The following CNTNAP4 variants were observed in gnomAD, a reference collection of about 807,000 sequenced individuals.
CNTNAP4 encodes contactin associated protein family member 4, also known as contactin-associated protein-like 4.
CNTNAP4 carries 98 observed loss-of-function variants against 148.4 expected under a neutral mutation model. That is an observed-to-expected ratio of 0.66 (90% CI 0.56 to 0.78). The LOEUF is 0.78. Among genes scored for constraint, CNTNAP4 ranks in the 30% least tolerant of loss-of-function variants. The pLI is 0.00. For missense variants in CNTNAP4, 1,935 were observed against 1,565.6 expected, an observed-to-expected ratio of 1.24 and a Z score of -3.98; for synonymous variants, 730 against 565.1, an observed-to-expected ratio of 1.29 and a Z score of -4.14.
chr16:76,409,995 A>G (rs1202842749), intron 3 of CNTNAP4, among the ~76,000 whole-genome samples: 11 of 151,908 alleles, frequency 7.2e-5, no homozygotes, highest in South Asian at 2.1e-4. Flanking sequence ...GGAAGTAAGT[A>G]TTCTTATCTC....
chr16:76,494,552 A>G (rs557757963), intron 13 of CNTNAP4, among the ~76,000 whole-genome samples: 40 of 152,250 alleles, frequency 2.6e-4, no homozygotes, highest in African/African-American at 9.1e-4. Context: ...GTTAATTACT[A>G]TGATTTATAT....
At position 76,461,132 on chromosome 16, in the gene CNTNAP4, C is replaced by G. The variant is rs972755932; in HGVS notation, c.1334-824C>G. Among the ~76,000 whole-genome samples, 5 of 152,200 alleles carry G rather than the reference C, an allele frequency of 3.3e-5. No individual in the cohort carries two copies. The East Asian group carries it at 5.8e-4, about 18-fold the overall frequency. ...AAAGACACATCACAGCCTTCTTGCT[C>G]TTAGGAATGCTAGACAACAGTTCAG... On this transcript the variant is annotated intron_variant, in intron 8 of 23. Transcript: ENST00000611870.
intron 1 of CNTNAP4, among the ~76,000 whole-genome samples, chr16:76,284,982 C>G (rs994858240): frequency 6.6e-6 from 1 of 151,940 alleles, no homozygotes; most frequent in East Asian, 1.9e-4. Flanking sequence ...TTGTTAGGGT[C>G]TTCATAGTTA....
intron 3 of CNTNAP4, among the ~76,000 whole-genome samples, chr16:76,397,176 G>A (rs2078231846): frequency 6.6e-6 from 1 of 151,922 alleles, no homozygotes; most frequent in Non-Finnish European, 1.5e-5. Context: ...TGTCGTAGGT[G>A]ATACCTGAAC....
At chr16:76,487,523 C>A (rs1157684324) in intron 12 of CNTNAP4, among the ~76,000 whole-genome samples, 1 of 152,154 alleles carries the variant, frequency 6.6e-6, no homozygotes, top group Non-Finnish European at 1.5e-5. Context: ...TCTGAAAGAA[C>A]AGTAAAGAGG....
rs1460436182 is a variant in CNTNAP4 at position 76,473,877 on chromosome 16, T to A, written c.1656-2062T>A. Among the ~76,000 whole-genome samples, 21 of 137,036 alleles carry A rather than the reference T, an allele frequency of 1.5e-4. No homozygotes were observed. In the East Asian group the frequency reaches 2.6e-3, roughly 17 times the overall value. 89.9% of individuals were successfully genotyped at this position (137,036 alleles called of 152,430 possible). A position where few individuals can be genotyped will look rare whatever the true frequency, so the allele number is the denominator to read the frequency against. ...TTTTGTTTTGTTTTGTTTTGTTTTT[T>A]AATCTGGGATGAATGAGGGCACTTA... On this transcript the variant is annotated intron_variant, in intron 10 of 23. Transcript: ENST00000611870.
chr16:76,489,690 T>C lies in CNTNAP4; in HGVS notation c.1887T>C (p.Thr629=). Residue 629 remains threonine (T), a synonymous_variant, in exon 13 of 24, where the codon ACT becomes ACC. Transcript: ENST00000611870. ...CCCCCCATTTCTGCATACAAGAAAC[T>C]GCATGGACCATCATACAGCACAACG... ...PFLLYCNMTE[T]AWTIIQHNGS... is the part of the protein sequence containing the mutation. The C allele has an allele frequency of 1.3e-6, 2 of 1,564,230 alleles. No homozygotes were observed. Among genetic ancestry groups the C allele is most frequent in the African/African-American group, 1.4e-5 (1 of 74,006 alleles).
chr16:76,284,523 T>C (rs1199953772), intron 1 of CNTNAP4, among the ~76,000 whole-genome samples: 1 of 151,982 alleles, frequency 6.6e-6, no homozygotes, highest in African/African-American at 2.4e-5. Context: ...AGATTAACAT[T>C]GGAATTGGAA....
intron 3 of CNTNAP4, among the ~76,000 whole-genome samples, chr16:76,373,268 G>A (rs754563144): frequency 6.0e-5 from 9 of 150,068 alleles, no homozygotes; most frequent in Non-Finnish European, 1.3e-4. Context: ...ACATATATAT[G>A]TGAAATATAT....
intron 3 of CNTNAP4, among the ~76,000 whole-genome samples, chr16:76,414,895 T>C (rs992707885): frequency 4.6e-5 from 7 of 151,374 alleles, no homozygotes; most frequent in South Asian, 4.1e-4. Flanking sequence ...TATTTTTTTC[T>C]TTCCCAGATC....
intron 3 of CNTNAP4, among the ~76,000 whole-genome samples, chr16:76,393,271 TG>T (rs2078089913): frequency 1.3e-5 from 2 of 152,202 alleles, no homozygotes; most frequent in Non-Finnish European, 2.9e-5. Context: ...TGTGATGAAT[TG>T]ATTAGTGAAA....
intron 2 of CNTNAP4, among the ~76,000 whole-genome samples, chr16:76,329,303 G>A (rs1313552961): frequency 6.6e-6 from 1 of 152,178 alleles, no homozygotes; most frequent in East Asian, 1.9e-4. Context: ...AAGCCTCAGT[G>A]GAGCTTGCTT....
At position 76,558,654 on chromosome 16, in the gene CNTNAP4, A is replaced by G; in HGVS notation, c.3898A>G (p.Asn1300Asp). ...TGAGCTTAATATACAAAATGCAGTC[A>G]ATGAAAATCAGAAAGAGTACTTCTT... is the stretch of plus-strand genomic sequence containing the variant. ...KSELNIQNAV[N>D]ENQKEYFF Residue 1300 changes from asparagine (N) to aspartate (D), a missense_variant, in exon 24 of 24, where the codon AAT becomes GAT. Asn to Asp is a conservative substitution (Grantham distance 23, BLOSUM62 1). Coordinates refer to ENST00000611870, the MANE Select transcript of CNTNAP4 (RefSeq NM_033401.5). 1 of 1,609,926 alleles carries G rather than the reference A, an allele frequency of 6.2e-7. No individual in the cohort carries two copies. Among genetic ancestry groups the G allele is most frequent in the Non-Finnish European group, 8.5e-7 (1 of 1,178,496 alleles).
chr16:76,444,707 C>A (rs2080175260), intron 4 of CNTNAP4, among the ~76,000 whole-genome samples: 1 of 152,052 alleles, frequency 6.6e-6, no homozygotes, highest in South Asian at 2.1e-4. Flanking sequence ...AAAAAGTGAC[C>A]TACAATGAGT....
chr16:76,376,971 G>A (rs1203255774), intron 3 of CNTNAP4, among the ~76,000 whole-genome samples: 1 of 146,642 alleles, frequency 6.8e-6, no homozygotes, highest in Non-Finnish European at 1.5e-5. Context: ...ATACATACAT[G>A]TATGGAGGTT....
intron 1 of CNTNAP4, among the ~76,000 whole-genome samples, chr16:76,299,971 A>T (rs1311394884): frequency 6.6e-6 from 1 of 152,092 alleles, no homozygotes; most frequent in Admixed American, 6.6e-5. Context: ...CAGGAAGGGG[A>T]ACATTGCACA....
chr16:76,445,506 C>T (rs1270427539), intron 4 of CNTNAP4, among the ~76,000 whole-genome samples: 1 of 151,996 alleles, frequency 6.6e-6, no homozygotes, highest in African/African-American at 2.4e-5. Context: ...AGCAAGGAGA[C>T]AGTAAGAATG....
intron 15 of CNTNAP4, among the ~76,000 whole-genome samples, chr16:76,514,978 T>C (rs996408710): frequency 6.6e-6 from 1 of 152,182 alleles, no homozygotes; most frequent in African/African-American, 2.4e-5. Context: ...AAAGGCTTGT[T>C]GGAATTTTAT....
chr16:76,394,244 A>G (rs915364128), intron 3 of CNTNAP4, among the ~76,000 whole-genome samples: 4 of 152,182 alleles, frequency 2.6e-5, no homozygotes, highest in African/African-American at 7.2e-5. Context: ...GCCTTGAGCA[A>G]GTTACTTAGT....
Sources: allele counts gnomAD v4.1 joint callset (sites outside exome capture counted in the v4.1 genomes callset), GRCh38; gene constraint gnomAD v4.1.1; transcripts MANE v1.5; gene names NCBI Gene and HGNC (gene_info 2026-07-23, HGNC 2026-07-21).